The following PAK2 variants were observed in gnomAD, a reference collection of about 807,000 sequenced individuals.
PAK2 encodes the protein serine/threonine-protein kinase PAK 2.
PAK2 carries 21 observed loss-of-function variants against 65.9 expected under a neutral mutation model. The ratio of observed to expected loss-of-function variants is 0.32; its 90% confidence interval spans 0.23 to 0.46. The LOEUF (loss-of-function observed/expected upper bound fraction) is 0.46. Ranked by LOEUF, PAK2 falls within the 20% of genes least tolerant of loss-of-function variation. The pLI is 1.00. For synonymous variants in PAK2, 204 were observed against 219.7 expected, an observed-to-expected ratio of 0.93 and a Z score of 0.63; for missense variants, 324 against 642.6, an observed-to-expected ratio of 0.50 and a Z score of 5.36.
In PAK2 at chr3:196,810,490, A is replaced by G. The variant is rs1037443439; in HGVS notation, c.710-100A>G. On this transcript the variant is annotated intron_variant, in intron 7 of 14. Coordinates refer to ENST00000327134, the MANE Select transcript of PAK2 (RefSeq NM_002577.4). ...GAACTTAGTATTATGTTTGAAAATC[A>G]CTTATAAAAACAGTGGAGTTCATTA... The G allele has an allele frequency of 3.9e-5, 28 of 726,414 alleles. No homozygotes were observed. In the African/African-American group the frequency reaches 5.0e-4, roughly 13 times the overall value. 45.0% of individuals were successfully genotyped at this position (726,414 alleles called of 1,614,324 possible).
At chr3:196,812,672 C>A in intron 9 of PAK2, 67 bp from the exon 10 acceptor site, 1 of 740,338 alleles carries the variant, frequency 1.4e-6, no homozygotes, top group Non-Finnish European at 2.4e-6. Context: ...TTATCAACTG[C>A]TTGGGGTTTG....
At chr3:196,775,016 C>T (rs1714490336) in intron 1 of PAK2, among the ~76,000 whole-genome samples, 1 of 152,154 alleles carries the variant, frequency 6.6e-6, no homozygotes, top group Admixed American at 6.5e-5. Flanking sequence ...GGTAAATCCC[C>T]AGCTAAGCAG....
At chr3:196,814,912 G>A (rs34430457) in intron 11 of PAK2, among the ~76,000 whole-genome samples, 17,725 of 152,176 alleles carry the variant, frequency 0.12, 1,196 homozygotes, top group Middle Eastern at 0.27. Flanking sequence ...GGGCGCGGTG[G>A]CTCACGCCTG....
intron 11 of PAK2, among the ~76,000 whole-genome samples, chr3:196,815,389 G>T (rs13083048): frequency 6.6e-6 from 1 of 151,470 alleles, no homozygotes; most frequent in Non-Finnish European, 1.5e-5. Flanking sequence ...CTACTCGCGA[G>T]GCTGAGGCGG....
At chr3:196,785,674 A>T (rs1462576266) in intron 2 of PAK2, among the ~76,000 whole-genome samples, 1 of 152,214 alleles carries the variant, frequency 6.6e-6, no homozygotes, top group Non-Finnish European at 1.5e-5. Context: ...ATAAAGACAT[A>T]CCTGAGACTG....
At chr3:196,810,039 A>G (rs1166663485) in intron 7 of PAK2, among the ~76,000 whole-genome samples, 2 of 152,018 alleles carry the variant, frequency 1.3e-5, no homozygotes, top group Non-Finnish European at 2.9e-5. Context: ...GGTTTTCTAA[A>G]TATATTGAAA....
intron 1 of PAK2, among the ~76,000 whole-genome samples, chr3:196,763,451 G>A (rs74649950): frequency 0.058 from 8,885 of 152,054 alleles, 352 homozygotes; most frequent in African/African-American, 0.11. Flanking sequence ...GCTTAGCATC[G>A]TGTCCCGGCA....
At chr3:196,815,529 C>CTG (rs1240183277) in intron 11 of PAK2, among the ~76,000 whole-genome samples, 2 of 151,702 alleles carry the variant, frequency 1.3e-5, no homozygotes, top group African/African-American at 2.4e-5. Context: ...TGTCTCTCGC[C>CTG]TGTAATACCA....
At chr3:196,796,328 A>G (rs748338740) in intron 2 of PAK2, among the ~76,000 whole-genome samples, 3 of 152,248 alleles carry the variant, frequency 2.0e-5, no homozygotes, top group Non-Finnish European at 4.4e-5. Context: ...AGTCATTCGC[A>G]AAAGACTGCA....
chr3:196,748,313 C>G (rs1334772853), intron 1 of PAK2, among the ~76,000 whole-genome samples: 1 of 152,156 alleles, frequency 6.6e-6, no homozygotes, highest in Non-Finnish European at 1.5e-5. Context: ...TTGGCACAGT[C>G]AGTGAACCAG....
In PAK2 at chr3:196,823,396, C is replaced by T. The variant is rs558530537; in HGVS notation, c.1350+2829C>T. ...TCAGAAGAGGCTCGCCTCCAGTGGC[C>T]TTCACTGTGGCAAAAAGGTCTACTT... On this transcript the variant is annotated intron_variant, in intron 13 of 14. Coordinates refer to ENST00000327134, the MANE Select transcript of PAK2 (RefSeq NM_002577.4). 6.6e-5 allele frequency among the ~76,000 whole-genome samples: 10 copies of T among 152,208 alleles called. No homozygotes were observed. The East Asian group carries it at 1.7e-3, about 26-fold the overall frequency.
intron 11 of PAK2, among the ~76,000 whole-genome samples, chr3:196,817,156 ATTTTTTTTTTTT>A (rs11314877): frequency 1.2e-5 from 1 of 84,766 alleles, no homozygotes; most frequent in Non-Finnish European, 2.2e-5. Flanking sequence ...GAAAGAGGCA[ATTTTTTTTTTTT>A]TTTTTTTTTT....
intron 1 of PAK2, among the ~76,000 whole-genome samples, chr3:196,780,822 C>T (rs982145319): frequency 2.6e-5 from 4 of 152,070 alleles, no homozygotes; most frequent in African/African-American, 7.2e-5. Flanking sequence ...CAGAGTCTTG[C>T]TTTGTCGCCA....
Position 196,759,498 on chromosome 3 carries a change from G to GTTTTTTTTTTTTTTTTTTTT in PAK2, c.-22+19361_-22+19380dup, listed in dbSNP as rs71301221. On this transcript the variant is annotated intron_variant, in intron 1 of 14. Transcript: ENST00000327134. ...GGTATACAGTTAAGTGGTTTTTTTT[G>GTTTTTTTTTTTTTTTTTTTT]TTTTTTTTTTTTTTTTTTTTTTTTT... is the stretch of plus-strand genomic sequence containing the variant. Among the ~76,000 whole-genome samples, 21 of 108,160 alleles carry GTTTTTTTTTTTTTTTTTTTT rather than the reference G, an allele frequency of 1.9e-4. 2 individuals carry two copies. The highest frequency in any genetic ancestry group is 2.9e-4 in the African/African-American group (8 of 27,996). 71.0% of individuals were successfully genotyped at this position (108,160 alleles called of 152,430 possible).
intron 2 of PAK2, among the ~76,000 whole-genome samples, chr3:196,785,711 A>G (rs1251752327): frequency 3.3e-5 from 5 of 152,232 alleles, no homozygotes; most frequent in South Asian, 2.1e-4. Flanking sequence ...AAAAGGGTTT[A>G]TTGGACTTAC....
In PAK2 at chr3:196,814,502, G is replaced by T; in HGVS notation, c.987G>T (p.Gly329=). The change falls in exon 11 of 15, where the codon GGG becomes GGT. Residue 329 remains glycine (G), a synonymous_variant. Coordinates refer to ENST00000327134, the MANE Select transcript of PAK2 (RefSeq NM_002577.4). ...TGGTCATGGAATACCTTGCTGGGGG[G>T]TCACTCACTGATGTGGTAACAGAAA... The part of the protein sequence containing the change: ...LFVVMEYLAG[G]SLTDVVTETC... 1 of 1,558,528 alleles carries T rather than the reference G, an allele frequency of 6.4e-7. No homozygotes were observed. Among genetic ancestry groups the T allele is most frequent in the Non-Finnish European group, 8.8e-7 (1 of 1,135,244 alleles).
chr3:196,766,930 CCG>C (rs1491112629), intron 1 of PAK2, among the ~76,000 whole-genome samples: 1 of 82,720 alleles, frequency 1.2e-5, no homozygotes, highest in African/African-American at 4.4e-5. Context: ...CAAGTACACC[CCG>C]TGTGTGTGTG....
At chr3:196,749,989 CT>C (rs199605682) in intron 1 of PAK2, among the ~76,000 whole-genome samples, 142 of 141,290 alleles carry the variant, frequency 1.0e-3, no homozygotes, top group South Asian at 2.0e-3. Context: ...CTGGCTATTT[CT>C]TTTTTTTTTT....
chr3:196,755,707 C>G (rs1264680753), intron 1 of PAK2, among the ~76,000 whole-genome samples: 1 of 152,092 alleles, frequency 6.6e-6, no homozygotes, highest in Non-Finnish European at 1.5e-5. Context: ...ATCCGCCTGC[C>G]TCAGCCTCCC....
Sources: gnomAD v4.1 joint callset for allele counts (sites outside exome capture counted in the v4.1 genomes callset) on GRCh38, gnomAD v4.1.1 for gene constraint, MANE v1.5 for transcripts, NCBI Gene and HGNC (gene_info 2026-07-23, HGNC 2026-07-21) for gene names.